USP28: variants seen among roughly 807,000 people sequenced by gnomAD.
USP28 encodes the protein ubiquitin specific peptidase 28.
USP28 carries 113 observed loss-of-function variants against 145.0 expected under a neutral mutation model. The ratio of observed to expected loss-of-function variants is 0.78; its 90% CI spans 0.67 to 0.91. The LOEUF (loss-of-function observed/expected upper bound fraction) is 0.91. USP28 is among the 40% of genes least tolerant of loss of function. USP28 has a pLI of 0.00. For synonymous variants in USP28, 447 were observed against 450.9 expected, an observed-to-expected ratio of 0.99 and a Z score of 0.11; for missense variants, 1,201 against 1,289.6, an observed-to-expected ratio of 0.93 and a Z score of 1.05.
At chr11:113,844,834 G>A (rs1481844715) in intron 3 of USP28, among the ~76,000 whole-genome samples, 4 of 152,178 alleles carry the variant, frequency 2.6e-5, no homozygotes, top group Non-Finnish European at 4.4e-5. Flanking sequence ...GCCAGGTGCG[G>A]TGGCTCACGC....
chr11:113,801,533 A>G (rs1354818219), exon 24 of USP28: 6 of 1,607,690 alleles, frequency 3.7e-6, no homozygotes, highest in Non-Finnish European at 4.3e-6. Flanking sequence ...CATGACCTCA[A>G]TGGCATCCAG....
intron 3 of USP28, among the ~76,000 whole-genome samples, chr11:113,850,865 T>C (rs1946374989): frequency 6.6e-6 from 1 of 152,342 alleles, no homozygotes; most frequent in South Asian, 2.1e-4. Flanking sequence ...CTCTGAACTG[T>C]GCACCTGGGT....
At chr11:113,875,002 G>T in intron 1 of USP28, 1 of 792,514 alleles carries the variant, frequency 1.3e-6, no homozygotes, top group Non-Finnish European at 1.5e-6. Flanking sequence ...ATTAATTCCG[G>T]ACTTTAAGTG....
chr11:113,836,081 C>CA (rs917454171), intron 5 of USP28, among the ~76,000 whole-genome samples: 37 of 150,412 alleles, frequency 2.5e-4, no homozygotes, highest in Non-Finnish European at 8.9e-5. Context: ...TGTCTCAAAA[C>CA]AAAAAAAAAG....
chr11:113,850,802 G>A (rs987090931), intron 3 of USP28, among the ~76,000 whole-genome samples: 1 of 152,296 alleles, frequency 6.6e-6, no homozygotes, highest in Non-Finnish European at 1.5e-5. Flanking sequence ...CAGCTTTACA[G>A]AGCCTTTATA....
chr11:113,857,664 G>C (rs190751893), intron 1 of USP28, among the ~76,000 whole-genome samples: 1 of 152,252 alleles, frequency 6.6e-6, no homozygotes, highest in East Asian at 1.9e-4. Flanking sequence ...TGATCTCAGA[G>C]ATCTCAGAAT....
At chr11:113,821,097 G>T in intron 12 of USP28, 1 of 244,458 alleles carries the variant, frequency 4.1e-6, no homozygotes, top group Non-Finnish European at 8.9e-6. Context: ...GACTTGGGAT[G>T]AAAGTACTGG....
At chr11:113,832,925 C>T (rs1196032236) in intron 7 of USP28, among the ~76,000 whole-genome samples, 1 of 152,134 alleles carries the variant, frequency 6.6e-6, no homozygotes, top group South Asian at 2.1e-4. Flanking sequence ...TGCGTACCAC[C>T]ATGCCCGGCT....
chr11:113,875,164 CGGA>C (rs1386284312), intron 1 of USP28, among the ~76,000 whole-genome samples: 1 of 152,204 alleles, frequency 6.6e-6, no homozygotes, highest in Non-Finnish European at 1.5e-5. Flanking sequence ...ATCCCTGCGG[CGGA>C]GAACCCCACG....
chr11:113,845,819 C>T (rs1329989491), intron 3 of USP28, among the ~76,000 whole-genome samples: 1 of 152,208 alleles, frequency 6.6e-6, no homozygotes. Context: ...AAGCTATCCA[C>T]CTGCCTCAGC....
intron 1 of USP28, among the ~76,000 whole-genome samples, chr11:113,872,670 G>A (rs1437201180): frequency 6.6e-6 from 1 of 152,108 alleles, no homozygotes; most frequent in African/African-American, 2.4e-5. Flanking sequence ...TTTTTATAAG[G>A]CTTCAGCTGA....
rs111540005 is a variant in USP28 at position 113,859,730 on chromosome 11, T to C, written c.58-5395A>G. 7.9e-3 allele frequency among the ~76,000 whole-genome samples: 1,211 copies of C among 152,328 alleles called. 18 individuals carry two copies. Among genetic ancestry groups the C allele is most frequent in the African/African-American group, 0.028 (1,169 of 41,560 alleles). On this transcript the variant is annotated intron_variant, in intron 1 of 24. Transcript: ENST00000003302. ...AAATATTAACTTCACTCTACCTTGC[T>C]ATATGTAAAGTACACACCCAACAAG...
rs200778840 is a variant in USP28, at chr11:113,831,488, G to C, written c.833+432C>G. On this transcript the variant is annotated intron_variant, in intron 8 of 24. Coordinates refer to ENST00000003302, the Ensembl canonical transcript of USP28. ...ACACAGATTTCTCAGAGGGATATCC[G>C]TATCGTGCCCTAAGTTTCACTTCTC... 2.9e-4 allele frequency among the ~76,000 whole-genome samples: 44 copies of C among 152,228 alleles called. No individual in the cohort carries two copies. The East Asian group carries it at 8.5e-3, about 29-fold the overall frequency.
At chr11:113,823,379 CTG>C (rs1942907608) in intron 12 of USP28, among the ~76,000 whole-genome samples, 1 of 152,190 alleles carries the variant, frequency 6.6e-6, no homozygotes, top group Non-Finnish European at 1.5e-5. Flanking sequence ...CAGTAACTAA[CTG>C]TGTGACTCTG....
At chr11:113,867,917 A>G (rs1948454619) in intron 1 of USP28, among the ~76,000 whole-genome samples, 1 of 152,206 alleles carries the variant, frequency 6.6e-6, no homozygotes, top group Non-Finnish European at 1.5e-5. Context: ...AATGTTGTTT[A>G]GAAAATCTTC....
chr11:113,803,892 C>T lies in USP28; in HGVS notation c.2659-15G>A, dbSNP rs368394351. 1.1e-5 allele frequency: 17 copies of T among 1,602,996 alleles called. No homozygotes were observed. The highest frequency in any genetic ancestry group is 2.2e-5 in the East Asian group (1 of 44,792). On this transcript the variant is annotated splice_polypyrimidine_tract_variant and intron_variant, in intron 21 of 24. Transcript: ENST00000003302. Reference sequence around the variant, plus strand: ...TCATGCCACTTCTGAAAAAGAATGACGATTATTAATAATCATGATCATAAT... The same window carrying T: ...TCATGCCACTTCTGAAAAAGAATGATGATTATTAATAATCATGATCATAAT...
rs972606511 is a variant in USP28, at chr11:113,831,748, G to T, written c.833+172C>A. Among the ~76,000 whole-genome samples the T allele has an allele frequency of 2.6e-5, 4 of 152,074 alleles. No individual in the cohort carries two copies. The East Asian group carries it at 7.7e-4, about 29-fold the overall frequency. On this transcript the variant is annotated intron_variant, in intron 8 of 24. Transcript: ENST00000003302. ...ATAAGATGACTGGTACATCCTCAGA[G>T]GGGAAAGCTGAAGGCGACAGGGATA...
exon 22 of USP28, chr11:113,803,825 G>C (rs780680702): frequency 6.2e-7 from 1 of 1,613,974 alleles, no homozygotes; most frequent in Non-Finnish European, 8.5e-7. Context: ...TTCTAGGCCT[G>C]TTAGGAGATA....
chr11:113,845,408 C>T (rs1004310773), intron 3 of USP28, among the ~76,000 whole-genome samples: 4 of 151,188 alleles, frequency 2.6e-5, no homozygotes, highest in Non-Finnish European at 1.5e-5. Context: ...TGCACTCCAA[C>T]CTGGGCGAAA....
Sources: gnomAD v4.1 joint callset for allele counts (sites outside exome capture counted in the v4.1 genomes callset) on GRCh38, gnomAD v4.1.1 for gene constraint, MANE v1.5 for transcripts, NCBI Gene and HGNC (gene_info 2026-07-23, HGNC 2026-07-21) for gene names.